PTPRO: variants seen among roughly 807,000 people sequenced by gnomAD.
The protein encoded by PTPRO is receptor-type tyrosine-protein phosphatase O.
A neutral mutation model predicts 145.2 loss-of-function variants in PTPRO; 62 were observed. The ratio of observed to expected loss-of-function variants is 0.43; its 90% CI spans 0.35 to 0.53. The LOEUF is 0.53. PTPRO is among the 20% of genes least tolerant of loss of function. PTPRO has a pLI of 0.01. For synonymous variants in PTPRO, 565 were observed against 514.7 expected (o/e 1.10, Z -1.32); for missense variants, 1,345 against 1,482.7 (o/e 0.91, Z 1.53).
chr12:15,409,479 T>TA (rs1257916083), intron 1 of PTPRO, among the ~76,000 whole-genome samples: 3 of 152,180 alleles, frequency 2.0e-5, no homozygotes, highest in African/African-American at 7.2e-5. Context: ...ACAGGACGTA[T>TA]TCTTCCATCG....
intron 1 of PTPRO, among the ~76,000 whole-genome samples, chr12:15,454,086 A>G (rs1212844175): frequency 6.6e-6 from 1 of 152,192 alleles, no homozygotes; most frequent in Admixed American, 6.6e-5. Context: ...AATTTTGGAT[A>G]AATACCTAGA....
chr12:15,376,841 T>A (rs916872032), intron 1 of PTPRO, among the ~76,000 whole-genome samples: 1 of 152,170 alleles, frequency 6.6e-6, no homozygotes, highest in African/African-American at 2.4e-5. Flanking sequence ...CCCCACACCC[T>A]AATTCTATCA....
At chr12:15,410,054 T>C (rs1397013393) in intron 1 of PTPRO, among the ~76,000 whole-genome samples, 1 of 151,856 alleles carries the variant, frequency 6.6e-6, no homozygotes, top group African/African-American at 2.4e-5. Flanking sequence ...GATTAAGGTA[T>C]AACAAAGAGT....
chr12:15,522,676 G>A (rs1454039476), intron 10 of PTPRO, among the ~76,000 whole-genome samples: 1 of 152,104 alleles, frequency 6.6e-6, no homozygotes, highest in Non-Finnish European at 1.5e-5. Flanking sequence ...TGATTTATTA[G>A]GAACTCAAGT....
chr12:15,528,549 C>T (rs1942892944), intron 12 of PTPRO, among the ~76,000 whole-genome samples: 1 of 149,942 alleles, frequency 6.7e-6, no homozygotes, highest in Non-Finnish European at 1.5e-5. Context: ...TTAAAAAAAC[C>T]TTAAAAGATC....
chr12:15,548,199 C>T (rs189504363), intron 13 of PTPRO, among the ~76,000 whole-genome samples: 11 of 136,458 alleles, frequency 8.1e-5, no homozygotes, highest in African/African-American at 1.9e-4. Flanking sequence ...ACCTCACTTA[C>T]GGTAAAAAAA....
At chr12:15,341,516 T>G (rs1199592590) in intron 1 of PTPRO, among the ~76,000 whole-genome samples, 1 of 152,218 alleles carries the variant, frequency 6.6e-6, no homozygotes, top group Non-Finnish European at 1.5e-5. Context: ...CTGAATGAAA[T>G]GAGGTCTCTG....
At chr12:15,465,719 G>C (rs1941400568) in intron 1 of PTPRO, among the ~76,000 whole-genome samples, 1 of 152,204 alleles carries the variant, frequency 6.6e-6, no homozygotes, top group Non-Finnish European at 1.5e-5. Flanking sequence ...ATAGGACATA[G>C]ACAGGGAAGC....
chr12:15,580,787 T>G lies in PTPRO; in HGVS notation c.3088T>G (p.Ser1030Ala). The G allele has an allele frequency of 6.2e-7, 1 of 1,613,960 alleles. No homozygotes were observed. The highest frequency in any genetic ancestry group is 8.5e-7 in the Non-Finnish European group (1 of 1,179,902). ...DFWKMVLQQK[S>A]QIIVMLTQCN... ...CTGGAAGATGGTCCTGCAACAAAAG[T>G]CTCAGATTATTGTCATGCTCACTCA... Residue 1030 changes from serine to alanine, a missense_variant, in exon 22 of 27, where the codon TCT becomes GCT. This residue lies in a region of PTPRO where 208 missense variants were observed against 242.8 expected (regional missense o/e 0.86). Coordinates refer to ENST00000281171, the MANE Select transcript of PTPRO (RefSeq NM_030667.3).
chr12:15,370,654 C>T (rs1021151618), intron 1 of PTPRO, among the ~76,000 whole-genome samples: 2 of 151,904 alleles, frequency 1.3e-5, no homozygotes, highest in African/African-American at 2.4e-5. Context: ...ATCCATAAAA[C>T]ATTTTTGCAA....
At chr12:15,582,910 T>C (rs1944351757) in intron 23 of PTPRO, among the ~76,000 whole-genome samples, 1 of 152,232 alleles carries the variant, frequency 6.6e-6, no homozygotes, top group Non-Finnish European at 1.5e-5. Context: ...TGAATATTTC[T>C]GTGACAGGCT....
At chr12:15,586,270 A>G (rs1391698321) in intron 23 of PTPRO, among the ~76,000 whole-genome samples, 1 of 152,236 alleles carries the variant, frequency 6.6e-6, no homozygotes, top group Non-Finnish European at 1.5e-5. Context: ...AAGAAGCCCT[A>G]CAGAGCATTC....
At chr12:15,403,112 A>G (rs999563784) in intron 1 of PTPRO, among the ~76,000 whole-genome samples, 3 of 152,194 alleles carry the variant, frequency 2.0e-5, no homozygotes, top group African/African-American at 7.2e-5. Context: ...TAAGAATAAA[A>G]TTCAAACCCC....
chr12:15,448,608 C>G (rs1940968614), intron 1 of PTPRO, among the ~76,000 whole-genome samples: 1 of 151,980 alleles, frequency 6.6e-6, no homozygotes, highest in Non-Finnish European at 1.5e-5. Flanking sequence ...TAGGGAAAAA[C>G]AGAATGGAGG....
chr12:15,584,651 G>A (rs550740182), intron 23 of PTPRO, among the ~76,000 whole-genome samples: 18 of 152,168 alleles, frequency 1.2e-4, no homozygotes, highest in Admixed American at 5.9e-4. Flanking sequence ...TTGGCCATAA[G>A]CATAATGAAT....
intron 1 of PTPRO, among the ~76,000 whole-genome samples, chr12:15,408,690 AG>A (rs1405376833): frequency 6.6e-6 from 1 of 152,188 alleles, no homozygotes; most frequent in Admixed American, 6.5e-5. Context: ...GCCCTCCCAA[AG>A]TGCTGGGATT....
intron 10 of PTPRO, among the ~76,000 whole-genome samples, chr12:15,520,971 T>A (rs1445306733): frequency 2.0e-5 from 3 of 152,148 alleles, no homozygotes; most frequent in Non-Finnish European, 2.9e-5. Flanking sequence ...AAACAATTAG[T>A]CTTAGATCCT....
At chr12:15,585,231 C>A (rs1944406434) in intron 23 of PTPRO, among the ~76,000 whole-genome samples, 1 of 152,194 alleles carries the variant, frequency 6.6e-6, no homozygotes, top group African/African-American at 2.4e-5. Context: ...TTAAACAGGG[C>A]AAGCATTTTC....
At chr12:15,326,327 C>A (rs750087240) in intron 1 of PTPRO, among the ~76,000 whole-genome samples, 4 of 152,168 alleles carry the variant, frequency 2.6e-5, no homozygotes, top group East Asian at 1.9e-4. Flanking sequence ...TTTGGAGAAA[C>A]CTTTTTACAT....
Sources: allele counts gnomAD v4.1 joint callset (sites outside exome capture counted in the v4.1 genomes callset), GRCh38; gene constraint gnomAD v4.1.1; regional missense constraint gnomAD v4.1.1; transcripts MANE v1.5; gene names NCBI Gene and HGNC (gene_info 2026-07-23, HGNC 2026-07-21).